CIP2A: variants seen among roughly 807,000 people sequenced by gnomAD.
CIP2A encodes protein CIP2A.
In CIP2A, 103 loss-of-function variants were observed where a neutral mutation model predicts 110.9. That is an observed-to-expected ratio of 0.93 (90% CI 0.79 to 1.09). The LOEUF (loss-of-function observed/expected upper bound fraction) is 1.09, where lower values mean the gene tolerates loss of function less well. Ranked by LOEUF, CIP2A falls within the 50% of genes least tolerant of loss-of-function variation. The pLI, the probability that CIP2A is intolerant of heterozygous loss-of-function variation, is 0.00. For missense variants in CIP2A, 1,088 were observed against 1,038.4 expected (o/e 1.05, Z -0.66); for synonymous variants, 381 against 361.6 (o/e 1.05, Z -0.61).
chr3:108,559,519 C>T (rs575658196), intron 16 of CIP2A, among the ~76,000 whole-genome samples: 1 of 151,816 alleles, frequency 6.6e-6, no homozygotes, highest in Non-Finnish European at 1.5e-5. Flanking sequence ...TCCCAGAGTC[C>T]CCAACACTTA....
chr3:108,553,956 A>T (rs1183172357), intron 18 of CIP2A, among the ~76,000 whole-genome samples: 1 of 146,986 alleles, frequency 6.8e-6, no homozygotes, highest in African/African-American at 2.5e-5. Flanking sequence ...GTGCAGTGGC[A>T]TGATCTTGTG....
In CIP2A at chr3:108,552,268, C is replaced by T. The variant is rs1198836643; in HGVS notation, c.2513G>A (p.Arg838Lys). The change falls in exon 20 of 21, where the codon AGA (arginine) becomes AAA (lysine). Residue 838 changes from arginine (R) to lysine (K), a missense_variant. By Grantham distance (26) the Arg-to-Lys change is conservative. Coordinates refer to ENST00000295746, the MANE Select transcript of CIP2A (RefSeq NM_020890.3). ...CAACTCTTTTCTTATCTGTTCTGTT[C>T]TGCTTAATTCTTTTCTAAGGATATC... ...TIDILRKELS[R>K]TEQIRKELSI... 5 of 1,577,734 alleles carry T rather than the reference C, an allele frequency of 3.2e-6. No individual in the cohort carries two copies. Among genetic ancestry groups the T allele is most frequent in the Non-Finnish European group, 3.4e-6 (4 of 1,162,108 alleles).
At chr3:108,576,085 A>G (rs1438608247) in intron 8 of CIP2A, among the ~76,000 whole-genome samples, 186 bp downstream of exon 8, 1 of 151,958 alleles carries the variant, frequency 6.6e-6, no homozygotes, top group African/African-American at 2.4e-5. Context: ...AAGGGAGCAC[A>G]AGAAGAGTTC....
intron 1 of CIP2A, among the ~76,000 whole-genome samples, chr3:108,588,208 T>C (rs1028601194): frequency 6.6e-6 from 1 of 152,206 alleles, no homozygotes; most frequent in Non-Finnish European, 1.5e-5. Context: ...CTGGAGCCTA[T>C]GCTAATTCAG....
At position 108,579,284 on chromosome 3, in the gene CIP2A, G is replaced by T; in HGVS notation, c.815C>A (p.Thr272Asn). 1 of 1,607,686 alleles carries T rather than the reference G, an allele frequency of 6.2e-7. No homozygotes were observed. Among genetic ancestry groups the T allele is most frequent in the South Asian group, 1.1e-5 (1 of 90,096 alleles). The change falls in exon 7 of 21, where the codon ACC (threonine) becomes AAC (asparagine). Residue 272 changes from threonine to asparagine, a missense_variant. Thr to Asn is a moderately conservative substitution (Grantham distance 65, BLOSUM62 0). Transcript: ENST00000295746. ...AATTGACTGAAGTGAGTCATACCTG[G>T]TGAGATAATCAGCAATTTTAGGATT... The part of the protein sequence containing the change: ...LKNPKIADYL[T>N]RYEHFSSCLH...
intron 16 of CIP2A, among the ~76,000 whole-genome samples, chr3:108,557,988 C>T (rs1233116427): frequency 6.6e-6 from 1 of 152,096 alleles, no homozygotes; most frequent in Admixed American, 6.6e-5. Context: ...CTAGACAAAA[C>T]CCTAAGCCTT....
At chr3:108,561,041 T>C (rs775256002) in intron 13 of CIP2A, among the ~76,000 whole-genome samples, 200 bp from the exon 14 acceptor site, 4 of 152,176 alleles carry the variant, frequency 2.6e-5, no homozygotes, top group Non-Finnish European at 4.4e-5. Context: ...GTTTCTAACC[T>C]TTTATAATGA....
rs564915464 is a variant in CIP2A, at chr3:108,581,431, G to A, written c.533C>T (p.Thr178Met). The A allele has an allele frequency of 1.5e-5, 24 of 1,609,812 alleles. No individual in the cohort carries two copies. Among genetic ancestry groups the A allele is most frequent in the South Asian group, 4.4e-5 (4 of 90,812 alleles). ...NLCRHNLSVQTHIKTLSNVKS... is the reference protein window; with the variant it reads ...NLCRHNLSVQMHIKTLSNVKS... ...ACTTCTTACCAATGTCTTTATGTGC[G>A]TTTGAACAGAAAGATTGTGCCGACA... is the stretch of plus-strand genomic sequence containing the variant. Residue 178 changes from threonine (T) to methionine (M), a missense_variant, in exon 5 of 21, where the codon ACG (threonine) becomes ATG (methionine). Coordinates refer to ENST00000295746, the MANE Select transcript of CIP2A (RefSeq NM_020890.3).
chr3:108,580,382 TTAAG>T (rs984902920), intron 5 of CIP2A, among the ~76,000 whole-genome samples: 54 of 97,204 alleles, frequency 5.6e-4, no homozygotes, highest in African/African-American at 1.2e-3. Context: ...TTCCTTATAT[TTAAG>T]TGTTTCCTAA....
chr3:108,585,053 T>A lies in CIP2A; in HGVS notation c.250+12A>T. On this transcript the variant is annotated intron_variant, in intron 2 of 20. Transcript: ENST00000295746. ...CTTCCAAAAACTAAAAAGGAGAAAT[T>A]AAATGCATTACCTAGTTGAGACAGC... 6.3e-7 allele frequency: 1 copy of A among 1,596,584 alleles called. No individual in the cohort carries two copies. Among genetic ancestry groups the A allele is most frequent in the Non-Finnish European group, 8.5e-7 (1 of 1,172,610 alleles).
chr3:108,558,256 A>G (rs1937880168), intron 16 of CIP2A, among the ~76,000 whole-genome samples: 1 of 151,996 alleles, frequency 6.6e-6, no homozygotes, highest in Non-Finnish European at 1.5e-5. Context: ...TAAGCAAAAA[A>G]GAAAGAAATA....
At chr3:108,566,968 T>C (rs1938211601) in intron 10 of CIP2A, among the ~76,000 whole-genome samples, 1 of 151,862 alleles carries the variant, frequency 6.6e-6, no homozygotes, top group South Asian at 2.1e-4. Context: ...TATTTGTATA[T>C]TATAAATTAA....
intron 8 of CIP2A, among the ~76,000 whole-genome samples, chr3:108,574,266 T>C (rs1038764721): frequency 6.6e-6 from 1 of 152,090 alleles, no homozygotes; most frequent in Non-Finnish European, 1.5e-5. Flanking sequence ...ATATTTTTAT[T>C]AATTAATAAA....
chr3:108,588,854 G>C (rs967429194), intron 1 of CIP2A, among the ~76,000 whole-genome samples: 4 of 152,206 alleles, frequency 2.6e-5, no homozygotes, highest in Admixed American at 6.5e-5. Context: ...GTTCAAGTAA[G>C]AGCAGTAAGC....
At chr3:108,553,828 A>G (rs1396506571) in intron 18 of CIP2A, 98 bp from the exon 19 acceptor site, 12 of 789,028 alleles carry the variant, frequency 1.5e-5, no homozygotes, top group South Asian at 9.9e-5. Context: ...CAAGGCGGGC[A>G]GATCACAAGG....
At chr3:108,574,521 G>T (rs2924708) in intron 8 of CIP2A, 108,054 of 152,110 alleles carry the variant, frequency 0.71, 38,803 homozygotes, top group Middle Eastern at 0.79. Context: ...CAAAAGACAT[G>T]CAGAAAATGG....
Position 108,585,116 on chromosome 3 carries a change from T to G in CIP2A, c.199A>C (p.Asn67His). 6.2e-7 allele frequency: 1 copy of G among 1,613,598 alleles called. No individual in the cohort carries two copies. The highest frequency in any genetic ancestry group is 1.7e-5 in the Admixed American group (1 of 60,022). Reference sequence around the variant, plus strand: ...CTTAAGATCAGTGAAGCACTTATGTTGGGGTCTTCAAGTAGCTCTACAAGG... The same window carrying G: ...CTTAAGATCAGTGAAGCACTTATGTGGGGGTCTTCAAGTAGCTCTACAAGG... ...SCLVELLEDPNISASLILSII... is the reference protein window; with the variant it reads ...SCLVELLEDPHISASLILSII... The change falls in exon 2 of 21, where the codon AAC (asparagine) becomes CAC (histidine). Residue 67 changes from asparagine to histidine, a missense_variant. By Grantham distance (68) the Asn-to-His change is moderately conservative. Transcript: ENST00000295746.
intron 5 of CIP2A, 98 bp downstream of exon 5, chr3:108,581,317 T>C (rs1034997452): frequency 9.9e-6 from 8 of 808,682 alleles, no homozygotes; most frequent in Non-Finnish European, 1.4e-5. Context: ...ACAGAATCCT[T>C]GTTCAAATTT....
chr3:108,555,287 A>AGG (rs1937751255), intron 17 of CIP2A, among the ~76,000 whole-genome samples: 1 of 152,186 alleles, frequency 6.6e-6, no homozygotes, highest in African/African-American at 2.4e-5. Flanking sequence ...CCTTTTTAGG[A>AGG]GGTCTGAGGA....
Sources: allele counts gnomAD v4.1 joint callset (sites outside exome capture counted in the v4.1 genomes callset), GRCh38; gene constraint gnomAD v4.1.1; transcripts MANE v1.5; gene names NCBI Gene and HGNC (gene_info 2026-07-23, HGNC 2026-07-21).